AK7: variants seen among roughly 807,000 people sequenced by gnomAD.
The protein encoded by AK7 is adenylate kinase 7.
In AK7, 78 loss-of-function variants were observed where a neutral mutation model predicts 96.6. The ratio of observed to expected loss-of-function variants is 0.81; its 90% confidence interval spans 0.67 to 0.97. The LOEUF is 0.97. Among genes scored for constraint, AK7 ranks in the 50% least tolerant of loss-of-function variants. The pLI, the probability that AK7 is intolerant of heterozygous loss-of-function variation, is 0.00. For missense variants in AK7, 855 were observed against 887.9 expected (o/e 0.96, Z 0.47); for synonymous variants, 302 against 317.2 (o/e 0.95, Z 0.51).
Position 96,412,515 on chromosome 14 carries a change from A to G in AK7, c.498+3574A>G, listed in dbSNP as rs532802259. ...AGTGCTGGGGTTACAGACACGAGCC[A>G]CTGCGCCCGGCCGTGACTCCTGGTA... On this transcript the variant is annotated intron_variant, in intron 4 of 17. Transcript: ENST00000267584. Among the ~76,000 whole-genome samples the G allele has an allele frequency of 5.3e-4, 79 of 150,338 alleles. 1 individual carries two copies. The South Asian group carries it at 7.4e-3, about 14-fold the overall frequency.
At position 96,399,104 on chromosome 14, in the gene AK7, C is replaced by A. The variant is rs1294772310; in HGVS notation, c.294+841C>A. On this transcript the variant is annotated intron_variant, in intron 2 of 17. Transcript: ENST00000267584. This position sits in a 1 kb window ranked among gnomAD's most constrained non-coding sequence, Gnocchi z 4.1. ...TCTGAGCTCCCATATCATCCTTTGC[C>A]TGCCTAGATCATAGTGCTTTTCACA... 6.6e-6 allele frequency: 1 copy of A among 152,176 alleles called. No individual in the cohort carries two copies. The allele number at this position is 152,176 out of a possible 1,614,324, so 9.4% of individuals were successfully genotyped here.
chr14:96,415,868 A>G (rs1016389256), intron 4 of AK7, among the ~76,000 whole-genome samples: 2 of 151,062 alleles, frequency 1.3e-5, no homozygotes, highest in African/African-American at 4.9e-5. Context: ...CTTAATATAT[A>G]TTGGGGTTGG....
chr14:96,462,232 G>T (rs1240457088), intron 12 of AK7, among the ~76,000 whole-genome samples: 1 of 152,034 alleles, frequency 6.6e-6, no homozygotes, highest in Non-Finnish European at 1.5e-5. Flanking sequence ...GTCCCTCAAA[G>T]CTCCTCACCC....
chr14:96,464,382 T>C (rs189606594), intron 12 of AK7, among the ~76,000 whole-genome samples: 24 of 151,458 alleles, frequency 1.6e-4, no homozygotes, highest in Admixed American at 2.6e-4. Flanking sequence ...ACCCCACCTC[T>C]ACAAAAAATA....
chr14:96,418,099 G>T (rs965301284), intron 4 of AK7, among the ~76,000 whole-genome samples: 1 of 151,780 alleles, frequency 6.6e-6, no homozygotes, highest in Non-Finnish European at 1.5e-5. Flanking sequence ...GAGGCAGGAG[G>T]ATTGCTTGAG....
At chr14:96,402,109 G>A (rs1009540362) in intron 2 of AK7, among the ~76,000 whole-genome samples, 2 of 151,716 alleles carry the variant, frequency 1.3e-5, no homozygotes, top group Non-Finnish European at 2.9e-5. Flanking sequence ...ATATGTGCTT[G>A]GTTGGGCCCT....
At chr14:96,462,729 CTTG>C (rs1335868789) in intron 12 of AK7, among the ~76,000 whole-genome samples, 1 of 152,198 alleles carries the variant, frequency 6.6e-6, no homozygotes, top group Non-Finnish European at 1.5e-5. Context: ...AATGTACCAA[CTTG>C]TTGATGTCTC....
intron 6 of AK7, among the ~76,000 whole-genome samples, chr14:96,439,851 A>G (rs138980252): frequency 1.3e-5 from 2 of 152,226 alleles, no homozygotes; most frequent in East Asian, 3.9e-4. Context: ...GAGAACAGAG[A>G]AATATTTCAA....
At chr14:96,445,558 G>A (rs1893189028) in intron 7 of AK7, among the ~76,000 whole-genome samples, 1 of 152,158 alleles carries the variant, frequency 6.6e-6, no homozygotes, top group African/African-American at 2.4e-5. Flanking sequence ...TACCCGGGAG[G>A]TGGAGGCGGG....
intron 12 of AK7, among the ~76,000 whole-genome samples, chr14:96,458,912 CAAAA>C (rs780061684): frequency 1.3e-4 from 3 of 23,508 alleles, no homozygotes; most frequent in East Asian, 1.6e-3. Context: ...CCTGTCTCAA[CAAAA>C]AAAAAAAAAA....
At chr14:96,421,400 C>G (rs1327362153) in intron 5 of AK7, 3 of 152,482 alleles carry the variant, frequency 2.0e-5, no homozygotes, top group African/African-American at 7.2e-5. Flanking sequence ...CTTGACTCAT[C>G]TACTCCTTCT....
In AK7 at chr14:96,478,469, C is replaced by T; in HGVS notation, c.1560C>T (p.Phe520=). The part of the protein sequence containing the change: ...FPFDKLIIPE[F]VCALDASDEF... Reference sequence around the variant, plus strand: ...GGAGTCTGTCCTTCTCCCCAGAATTCGTTTGTGCACTGGATGCTTCGGATG... The same window carrying T: ...GGAGTCTGTCCTTCTCCCCAGAATTTGTTTGTGCACTGGATGCTTCGGATG... Residue 520 remains phenylalanine (F), a synonymous_variant, in exon 15 of 18, where the codon TTC becomes TTT. Coordinates refer to ENST00000267584, the MANE Select transcript of AK7 (RefSeq NM_152327.5). The T allele has an allele frequency of 6.2e-7, 1 of 1,614,086 alleles. No homozygotes were observed. Among genetic ancestry groups the T allele is most frequent in the East Asian group, 2.2e-5 (1 of 44,872 alleles).
Position 96,489,315 on chromosome 14 carries a change from C to T in AK7, c.*972C>T, listed in dbSNP as rs1205422703. 2 of 152,208 alleles carry T rather than the reference C, an allele frequency of 1.3e-5. No homozygotes were observed. Among genetic ancestry groups the T allele is most frequent in the African/African-American group, 2.4e-5 (1 of 41,448 alleles). The allele number at this position is 152,208 out of a possible 1,614,324, so 9.4% of individuals were successfully genotyped here. A position where few individuals can be genotyped will look rare whatever the true frequency, so the allele number is the denominator to read the frequency against. The stretch of plus-strand genomic sequence containing the variant: ...ATCACCCCAAATGGAAACCCAGCAC[C>T]TATTAGGCAGTCACGCTCCATTATT... On this transcript the variant is annotated 3_prime_UTR_variant, in exon 18 of 18. Coordinates refer to ENST00000267584, the MANE Select transcript of AK7 (RefSeq NM_152327.5).
chr14:96,419,159 A>C (rs1891523930), intron 4 of AK7, among the ~76,000 whole-genome samples: 1 of 152,234 alleles, frequency 6.6e-6, no homozygotes, highest in Non-Finnish European at 1.5e-5. Context: ...TGAACTGTCA[A>C]GAAATGTTTT....
chr14:96,463,250 T>C (rs59137893), intron 12 of AK7, among the ~76,000 whole-genome samples: 7,845 of 152,254 alleles, frequency 0.052, 365 homozygotes, highest in African/African-American at 0.13. Context: ...TCTTTTCTGC[T>C]GTTGAGACTC....
In AK7 at chr14:96,398,099, G is replaced by T. The variant is rs778573098; in HGVS notation, c.130G>T (p.Ala44Ser). ...GTTTCTATCTAACTGTGTAGTTGGG[G>T]CTTCGCTTGAAGAAATTACAGAGGA... ...GKFLSNCVVGASLEEITEEEE... is the reference protein window; with the variant it reads ...GKFLSNCVVGSSLEEITEEEE... The change falls in exon 2 of 18, where the codon GCT (alanine) becomes TCT (serine). Residue 44 changes from alanine to serine, a missense_variant. Transcript: ENST00000267584. 1.2e-6 allele frequency: 2 copies of T among 1,614,048 alleles called. No homozygotes were observed. The highest frequency in any genetic ancestry group is 2.2e-5 in the South Asian group (2 of 91,082).
intron 5 of AK7, among the ~76,000 whole-genome samples, chr14:96,427,336 T>C (rs1892086474): frequency 6.6e-6 from 1 of 152,082 alleles, no homozygotes; most frequent in Non-Finnish European, 1.5e-5. Flanking sequence ...CTCAGGAAAC[T>C]TACAACCATG....
intron 5 of AK7, among the ~76,000 whole-genome samples, chr14:96,432,917 C>T (rs1411199918): frequency 6.6e-6 from 1 of 152,008 alleles, no homozygotes; most frequent in African/African-American, 2.4e-5. Flanking sequence ...TGGTGTGAAC[C>T]TGGGAGGCGG....
In AK7 at chr14:96,405,296, C is replaced by T. The variant is rs539102181; in HGVS notation, c.403+431C>T. Among the ~76,000 whole-genome samples the T allele has an allele frequency of 2.0e-5, 3 of 152,214 alleles. No homozygotes were observed. The East Asian group carries it at 5.8e-4, about 29-fold the overall frequency. ...CTCCTGGGCTCAAGAGATCCTCCTGCCTCAGCCTCTTGAGTAGCTGGCACT... is the reference window on the plus strand; with the variant it reads ...CTCCTGGGCTCAAGAGATCCTCCTGTCTCAGCCTCTTGAGTAGCTGGCACT... On this transcript the variant is annotated intron_variant, in intron 3 of 17. Coordinates refer to ENST00000267584, the MANE Select transcript of AK7 (RefSeq NM_152327.5).
Sources: allele counts gnomAD v4.1 joint callset (sites outside exome capture counted in the v4.1 genomes callset), GRCh38; gene constraint gnomAD v4.1.1; non-coding constraint Gnocchi (gnomAD v3.1); transcripts MANE v1.5; gene names NCBI Gene and HGNC (gene_info 2026-07-23, HGNC 2026-07-21).